RCC1: variants seen among roughly 807,000 people sequenced by gnomAD.
RCC1 encodes regulator of chromosome condensation.
In RCC1, 11 loss-of-function variants were observed where a neutral mutation model predicts 44.4. That is an observed-to-expected ratio of 0.25 (90% CI 0.16 to 0.41). RCC1 has a LOEUF of 0.41. Among genes scored for constraint, RCC1 ranks in the 10% least tolerant of loss-of-function variants. The probability of loss-of-function intolerance (pLI) is 1.00; values close to 1 mark genes in which losing one functional copy is unlikely to be tolerated. For synonymous variants in RCC1, 213 were observed against 216.5 expected, an observed-to-expected ratio of 0.98 and a Z score of 0.14; for missense variants, 386 against 547.1, an observed-to-expected ratio of 0.71 and a Z score of 2.94.
intron 9 of RCC1, 148 bp downstream of exon 9, chr1:28,535,528 G>C: frequency 3.2e-6 from 4 of 1,256,650 alleles, no homozygotes; most frequent in Non-Finnish European, 4.5e-6. Flanking sequence ...TGCTCTGGTA[G>C]TTTTGCCACC....
At chr1:28,526,152 A>T (rs1236408187) in intron 4 of RCC1, among the ~76,000 whole-genome samples, 1 of 152,072 alleles carries the variant, frequency 6.6e-6, no homozygotes, top group Non-Finnish European at 1.5e-5. Context: ...GGACACTGTG[A>T]TGCGCACTTG....
chr1:28,513,585 C>CT lies in RCC1; in HGVS notation c.-152-3129dup, dbSNP rs563107845. 6.4e-3 allele frequency among the ~76,000 whole-genome samples: 935 copies of CT among 146,648 alleles called. 3 individuals carry two copies. Among genetic ancestry groups the CT allele is most frequent in the Middle Eastern group, 0.021 (6 of 282 alleles). ...TTAATTGGAGTGTTTAGGCTATTTA[C>CT]TTTTTTTTTTTAAGACAGGGTCTCA... On this transcript the variant is annotated intron_variant, in intron 3 of 12. Transcript: ENST00000683442.
rs182753740 is a variant in RCC1 at position 28,517,078 on chromosome 1, A to G, written c.-10+211A>G. Among the ~76,000 whole-genome samples, 158 of 151,920 alleles carry G rather than the reference A, an allele frequency of 1.0e-3. 1 individual carries two copies. The highest frequency in any genetic ancestry group is 1.9e-3 in the Non-Finnish European group (129 of 67,944). ...AGAGGTTGCAGTGAGCCGAGATCTCACCATTGCACTCCAGCCCGGGTGACA... is the reference window on the plus strand; with the variant it reads ...AGAGGTTGCAGTGAGCCGAGATCTCGCCATTGCACTCCAGCCCGGGTGACA... On this transcript the variant is annotated intron_variant, in intron 4 of 12. Coordinates refer to ENST00000683442, the MANE Select transcript of RCC1 (RefSeq NM_001381865.2).
intron 3 of RCC1, chr1:28,510,025 T>TTC (rs564888573): frequency 6.6e-6 from 1 of 150,914 alleles, no homozygotes; most frequent in Non-Finnish European, 1.5e-5. Flanking sequence ...AATGGAAACT[T>TTC]TGTCAAGCCC....
intron 1 of RCC1, chr1:28,507,298 T>C (rs1417052113): frequency 5.2e-5 from 26 of 501,738 alleles, no homozygotes; most frequent in Admixed American, 5.2e-4. Context: ...GTTTAAGATC[T>C]GTAGTAACAT....
chr1:28,529,037 ATTTTTTTTT>A (rs779736390), intron 4 of RCC1, among the ~76,000 whole-genome samples: 1 of 101,894 alleles, frequency 9.8e-6, no homozygotes, highest in Admixed American at 1.0e-4. Context: ...TAATTTTTGT[ATTTTTTTTT>A]TTTTTTTTGG....
chr1:28,506,505 CTA>C (rs1405386838), intron 1 of RCC1: 1 of 314,888 alleles, frequency 3.2e-6, no homozygotes, highest in Non-Finnish European at 6.2e-6. Context: ...TAATTTAAAA[CTA>C]TATATGGGTG....
chr1:28,522,054 A>G (rs1376822622), intron 4 of RCC1, among the ~76,000 whole-genome samples: 3 of 152,212 alleles, frequency 2.0e-5, no homozygotes, highest in African/African-American at 7.2e-5. Context: ...TGGAAGATAC[A>G]GTGAGTTAGC....
At chr1:28,507,361 AT>A (rs757389280) in intron 1 of RCC1, 10 of 519,062 alleles carry the variant, frequency 1.9e-5, no homozygotes, top group African/African-American at 1.5e-4. Context: ...CGTTACACTG[AT>A]TGTCCAACGT....
intron 3 of RCC1, among the ~76,000 whole-genome samples, chr1:28,515,508 A>G (rs1327268420): frequency 1.3e-5 from 2 of 149,274 alleles, no homozygotes; most frequent in African/African-American, 2.5e-5. Flanking sequence ...CTTGAGGTCA[A>G]GAGCTCAAGA....
At chr1:28,508,042 C>T (rs939090990) in intron 1 of RCC1, 86 bp from the exon 2 acceptor site, 1 of 393,916 alleles carries the variant, frequency 2.5e-6, no homozygotes, top group African/African-American at 2.1e-5. Context: ...TGCCACTGTA[C>T]TCCAACCCCA....
intron 4 of RCC1, among the ~76,000 whole-genome samples, chr1:28,528,009 C>CA (rs56261878): frequency 0.14 from 13,241 of 97,480 alleles, 1,488 homozygotes; most frequent in African/African-American, 0.32. Context: ...AACTCTGCTT[C>CA]AAAAAAAAAA....
chr1:28,529,498 C>T (rs949602640), intron 4 of RCC1, among the ~76,000 whole-genome samples: 1 of 151,886 alleles, frequency 6.6e-6, no homozygotes, highest in African/African-American at 2.4e-5. Flanking sequence ...GTTTTTCATT[C>T]TGCTTGTTTT....
At chr1:28,517,116 G>C (rs1281297786) in intron 4 of RCC1, among the ~76,000 whole-genome samples, 1 of 149,660 alleles carries the variant, frequency 6.7e-6, no homozygotes, top group African/African-American at 2.5e-5. Flanking sequence ...AGCAAGACTC[G>C]ATCTCAAAAA....
chr1:28,512,978 G>C (rs1250409203), intron 3 of RCC1, among the ~76,000 whole-genome samples: 2 of 151,046 alleles, frequency 1.3e-5, no homozygotes. Flanking sequence ...GTAGAGATGG[G>C]GTTTCACCAT....
rs762998641 is a variant in RCC1, at chr1:28,531,921, C to G, written c.192C>G (p.Ser64=). The G allele has an allele frequency of 6.2e-7, 1 of 1,608,382 alleles. No homozygotes were observed. Among genetic ancestry groups the G allele is most frequent in the South Asian group, 1.1e-5 (1 of 90,180 alleles). Residue 64 remains serine, a synonymous_variant, in exon 6 of 13, where the codon TCC becomes TCG. Coordinates refer to ENST00000683442, the MANE Select transcript of RCC1 (RefSeq NM_001381865.2). ...AGAGGAAGAAGCCGGCCCTGGTATC[C>G]ATTCCGGAGGATGTTGTGCAGGCTG... The part of the protein sequence containing the change: ...VMERKKPALV[S]IPEDVVQAEA...
intron 4 of RCC1, among the ~76,000 whole-genome samples, chr1:28,519,773 A>G (rs965560973): frequency 4.0e-5 from 6 of 150,892 alleles, no homozygotes; most frequent in African/African-American, 7.3e-5. Flanking sequence ...GGGTTTCACC[A>G]TGTTGGCCAG....
intron 4 of RCC1, among the ~76,000 whole-genome samples, chr1:28,521,556 G>A (rs1663286521): frequency 6.6e-6 from 1 of 151,562 alleles, no homozygotes; most frequent in Non-Finnish European, 1.5e-5. Context: ...CCCTTCCCTG[G>A]CGATTGCCAG....
chr1:28,514,772 A>C (rs934517403), intron 3 of RCC1, among the ~76,000 whole-genome samples: 2 of 152,036 alleles, frequency 1.3e-5, no homozygotes, highest in Non-Finnish European at 2.9e-5. Flanking sequence ...AAAAAAAAAA[A>C]ACAATCTTCC....
Sources: gnomAD v4.1 joint callset for allele counts (sites outside exome capture counted in the v4.1 genomes callset) on GRCh38, gnomAD v4.1.1 for gene constraint, MANE v1.5 for transcripts, NCBI Gene and HGNC (gene_info 2026-07-23, HGNC 2026-07-21) for gene names.